APBB2: variants seen among roughly 807,000 people sequenced by gnomAD.
APBB2 encodes amyloid beta precursor protein binding family B member 2, also known as Fe65-like 1.
Under a neutral mutation model 82.5 loss-of-function variants are expected in APBB2, and 38 were observed. The ratio of observed to expected loss-of-function variants is 0.46; its 90% confidence interval spans 0.36 to 0.60. The LOEUF is 0.60. APBB2 is among the 20% of genes least tolerant of loss of function. The pLI is 0.00. For synonymous variants in APBB2, 341 were observed against 368.2 expected (o/e 0.93, Z 0.85); for missense variants, 772 against 972.3 (o/e 0.79, Z 2.74).
intron 12 of APBB2, among the ~76,000 whole-genome samples, chr4:40,854,938 C>T (rs887646711): frequency 8.5e-5 from 13 of 152,158 alleles, no homozygotes; most frequent in Admixed American, 8.5e-4. Flanking sequence ...ATCAACAATG[C>T]CAATGTTCAA....
chr4:41,031,889 C>A (rs1004920140), intron 5 of APBB2, among the ~76,000 whole-genome samples: 2 of 152,018 alleles, frequency 1.3e-5, no homozygotes, highest in African/African-American at 4.8e-5. Flanking sequence ...CTATTCAATA[C>A]GTATTGACAA....
chr4:40,924,110 TA>T (rs978735241), intron 10 of APBB2, among the ~76,000 whole-genome samples: 1 of 152,194 alleles, frequency 6.6e-6, no homozygotes, highest in African/African-American at 2.4e-5. Context: ...TTGGGCAGGT[TA>T]CTTTCTCTGC....
chr4:41,195,103 T>C, intron 1 of APBB2, among the ~76,000 whole-genome samples: 15 of 152,200 alleles, frequency 9.9e-5, no homozygotes, highest in African/African-American at 3.6e-4. Flanking sequence ...GCTATGTAAG[T>C]CTTCTCCGTC....
Position 40,815,659 on chromosome 4 carries a change from C to A in APBB2, c.*433G>T. The A allele has an allele frequency of 6.0e-6, 1 of 167,710 alleles. No homozygotes were observed. Among genetic ancestry groups the A allele is most frequent in the Admixed American group, 5.7e-5 (1 of 17,692 alleles). 10.4% of individuals were successfully genotyped at this position (167,710 alleles called of 1,614,324 possible). A position where few individuals can be genotyped will look rare whatever the true frequency, so the allele number is the denominator to read the frequency against. ...GGTATCTGCTATGCAGTGCCTACTC[C>A]AATGTTGAAAACAGGGCAAAGTGCT... On this transcript the variant is annotated 3_prime_UTR_variant, in exon 18 of 18. Transcript: ENST00000508593.
chr4:41,074,231 C>T lies in APBB2; in HGVS notation c.-148-8558G>A, dbSNP rs187909921. On this transcript the variant is annotated intron_variant, in intron 3 of 17. Coordinates refer to ENST00000508593, the MANE Select transcript of APBB2 (RefSeq NM_004307.2). ...AGTAAAATTTCCATCATCTTTCTTA[C>T]CAGAGCTGTTCTTCCCCAAGCTCTG... 1.6e-3 allele frequency among the ~76,000 whole-genome samples: 241 copies of T among 152,208 alleles called. 1 individual carries two copies. Among genetic ancestry groups the T allele is most frequent in the Non-Finnish European group, 2.6e-3 (176 of 68,028 alleles).
rs113449751 is a variant in APBB2, at chr4:40,842,622, A to G, written c.1530-12045T>C. ...TGCCAGCTGAATTTACAGAGGCAAC[A>G]TATCAACTGGGGGAGGTAATCAAGC... On this transcript the variant is annotated intron_variant, in intron 12 of 17. Coordinates refer to ENST00000508593, the MANE Select transcript of APBB2 (RefSeq NM_004307.2). The G allele has an allele frequency of 3.5e-3, 709 of 204,688 alleles. 9 individuals are homozygous for G. Among genetic ancestry groups the G allele is most frequent in the African/African-American group, 0.015 (679 of 44,060 alleles). 12.7% of individuals were successfully genotyped at this position (204,688 alleles called of 1,614,324 possible).
chr4:41,200,121 A>G (rs1776341707), intron 1 of APBB2, among the ~76,000 whole-genome samples: 1 of 152,232 alleles, frequency 6.6e-6, no homozygotes, highest in Non-Finnish European at 1.5e-5. Flanking sequence ...CATCACCTAC[A>G]TGGTGAAAAG....
At chr4:41,062,454 C>T (rs1730217457) in intron 4 of APBB2, among the ~76,000 whole-genome samples, 1 of 152,024 alleles carries the variant, frequency 6.6e-6, no homozygotes. Flanking sequence ...GCTGGGGTTA[C>T]AGCACCCAGC....
rs192999535 is a variant in APBB2, at chr4:41,084,179, C to A, written c.-149+16460G>T. Among the ~76,000 whole-genome samples, 198 of 152,304 alleles carry A rather than the reference C, an allele frequency of 1.3e-3. 2 individuals carry two copies. The highest frequency in any genetic ancestry group is 0.013 in the Admixed American group (195 of 15,312). Reference sequence around the variant, plus strand: ...GTGGCTCACGCCTGTAATCCCAACACTTCAGAAGGCCGAGACAGGCGGATC... The same window carrying A: ...GTGGCTCACGCCTGTAATCCCAACAATTCAGAAGGCCGAGACAGGCGGATC... On this transcript the variant is annotated intron_variant, in intron 3 of 17. Transcript: ENST00000508593.
chr4:40,964,863 G>A (rs1794248242), intron 6 of APBB2, among the ~76,000 whole-genome samples: 1 of 151,872 alleles, frequency 6.6e-6, no homozygotes, highest in African/African-American at 2.4e-5. Flanking sequence ...GCTCACACCT[G>A]TAATCTTAGC....
chr4:40,880,309 G>A (rs1346884642), intron 12 of APBB2: 3 of 985,218 alleles, frequency 3.0e-6, no homozygotes, highest in African/African-American at 3.5e-5. Flanking sequence ...TCCCAGTGAC[G>A]AACTGTGCTG....
intron 12 of APBB2, among the ~76,000 whole-genome samples, chr4:40,847,066 A>G (rs1192417538): frequency 6.6e-6 from 1 of 152,216 alleles, no homozygotes; most frequent in Non-Finnish European, 1.5e-5. Context: ...TTTCAACTTT[A>G]AAGTTTAGGG....
chr4:41,205,693 G>A (rs1777760129), intron 1 of APBB2, among the ~76,000 whole-genome samples: 2 of 152,146 alleles, frequency 1.3e-5, no homozygotes. Context: ...AAAAGGTAAA[G>A]TTTTTGTTTA....
chr4:41,017,298 C>T (rs1331057973), intron 5 of APBB2, among the ~76,000 whole-genome samples: 2 of 152,190 alleles, frequency 1.3e-5, no homozygotes, highest in African/African-American at 4.8e-5. Context: ...AAGTTCAATT[C>T]TAGAGCTACG....
chr4:40,896,141 T>C (rs1298086992), intron 10 of APBB2, among the ~76,000 whole-genome samples: 1 of 152,102 alleles, frequency 6.6e-6, no homozygotes, highest in Non-Finnish European at 1.5e-5. Flanking sequence ...CTCAGCTCAC[T>C]GCAACCTCCA....
intron 10 of APBB2, among the ~76,000 whole-genome samples, chr4:40,905,817 C>A (rs1776548700): frequency 6.6e-6 from 1 of 152,106 alleles, no homozygotes; most frequent in Admixed American, 6.6e-5. Context: ...CAGGGGAGGC[C>A]AAAGCTCCTC....
intron 6 of APBB2, among the ~76,000 whole-genome samples, chr4:41,009,246 G>A (rs62412102): frequency 0.037 from 5,561 of 150,984 alleles, 285 homozygotes; most frequent in African/African-American, 0.096. Flanking sequence ...ACCCTAACTA[G>A]ATTCAAAGTT....
intron 4 of APBB2, among the ~76,000 whole-genome samples, chr4:41,052,461 T>G (rs1426033756): frequency 1.3e-5 from 2 of 152,288 alleles, no homozygotes; most frequent in Admixed American, 1.3e-4. Context: ...CTGCCTGGGA[T>G]GCCGTGTCAT....
At chr4:40,818,838 C>G (rs1463662654) in intron 17 of APBB2, among the ~76,000 whole-genome samples, 1 of 152,214 alleles carries the variant, frequency 6.6e-6, no homozygotes, top group East Asian at 1.9e-4. Context: ...TCAAATGCCT[C>G]TTTTCTACGC....
Sources: gnomAD v4.1 joint callset for allele counts (sites outside exome capture counted in the v4.1 genomes callset) on GRCh38, gnomAD v4.1.1 for gene constraint, MANE v1.5 for transcripts, NCBI Gene and HGNC (gene_info 2026-07-23, HGNC 2026-07-21) for gene names.